Variants in C1QL4 observed in about 807,000 individuals in gnomAD.
C1QL4 encodes complement C1q like 4, also known as complement C1q-like protein 4.
In C1QL4, 5 loss-of-function variants were observed where a neutral mutation model predicts 13.4. The ratio of observed to expected loss-of-function variants is 0.37; its 90% CI spans 0.19 to 0.78. The LOEUF (loss-of-function observed/expected upper bound fraction) is 0.78. Ranked by LOEUF, C1QL4 falls within the 30% of genes least tolerant of loss-of-function variation. The probability of loss-of-function intolerance (pLI) is 0.47; values close to 1 mark genes in which losing one functional copy is unlikely to be tolerated. For synonymous variants in C1QL4, 168 were observed against 153.9 expected, an observed-to-expected ratio of 1.09 and a Z score of -0.68; for missense variants, 367 against 361.6, an observed-to-expected ratio of 1.01 and a Z score of -0.12.
rs745887508 is a variant in C1QL4 at position 49,333,006 on chromosome 12, G to A, written c.*48C>T. The A allele has an allele frequency of 2.6e-6, 4 of 1,536,788 alleles. No individual in the cohort carries two copies. In the East Asian group the frequency reaches 7.0e-5, roughly 27 times the overall value. ...CTCGGGTGGGGCGGGCAGGAGGTGG[G>A]TGAGGACGGGAGAGAAGGGGCGAGC... On this transcript the variant is annotated 3_prime_UTR_variant, in exon 2 of 2. Coordinates refer to ENST00000334221, the MANE Select transcript of C1QL4 (RefSeq NM_001008223.2).
At chr12:49,334,570 G>GT (rs1565674795) in intron 1 of C1QL4, among the ~76,000 whole-genome samples, 1 of 152,090 alleles carries the variant, frequency 6.6e-6, no homozygotes, top group African/African-American at 2.4e-5. Flanking sequence ...ACTATTTACC[G>GT]TCCCCAGGGC....
rs1194820661 is a variant in C1QL4 at position 49,332,968 on chromosome 12, G to C, written c.*86C>G. 3 of 1,377,750 alleles carry C rather than the reference G, an allele frequency of 2.2e-6. No homozygotes were observed. Among genetic ancestry groups the C allele is most frequent in the Non-Finnish European group, 3.0e-6 (3 of 1,016,850 alleles). The allele number at this position is 1,377,750 out of a possible 1,614,324, so 85.3% of individuals were successfully genotyped here. On this transcript the variant is annotated 3_prime_UTR_variant, in exon 2 of 2. Coordinates refer to ENST00000334221, the MANE Select transcript of C1QL4 (RefSeq NM_001008223.2). ...CCACCCCACCGCCAGGCTCTCAAAGGGTGGGGTGGCGCCTCGGGTGGGGCG... is the reference window on the plus strand; with the variant it reads ...CCACCCCACCGCCAGGCTCTCAAAGCGTGGGGTGGCGCCTCGGGTGGGGCG...
chr12:49,334,495 C>T (rs12581307), intron 1 of C1QL4, among the ~76,000 whole-genome samples: 2,391 of 152,330 alleles, frequency 0.016, 33 homozygotes, highest in Middle Eastern at 0.054. Context: ...CTTCAGCCCC[C>T]CTCTTCTAGA....
In C1QL4 at chr12:49,336,022, G is replaced by A; in HGVS notation, c.456C>T (p.Gly152=). 6.2e-7 allele frequency: 1 copy of A among 1,611,560 alleles called. No homozygotes were observed. Among genetic ancestry groups the A allele is most frequent in the South Asian group, 1.1e-5 (1 of 90,856 alleles). The change falls in exon 1 of 2, where the codon GGC becomes GGT. Residue 152 remains glycine, a synonymous_variant. Coordinates refer to ENST00000334221, the MANE Select transcript of C1QL4 (RefSeq NM_001008223.2). This position sits in a 1 kb window ranked among gnomAD's most constrained non-coding sequence, Gnocchi z 7.7. ...ASGKFTCPMP[G]VYFFAYHVLM... is the part of the protein sequence containing the mutation. ...GCACGTGGTAAGCGAAGAAGTAGACGCCTGGCATGGGGCAAGTAAACTTGC... is the reference window on the plus strand; with the variant it reads ...GCACGTGGTAAGCGAAGAAGTAGACACCTGGCATGGGGCAAGTAAACTTGC...
Position 49,336,612 on chromosome 12 carries a change from A to T in C1QL4, c.-135T>A. ...GCTCTCCGCGGGCCAGGAGGCGGTGACCCGCCTTGGGCCTGGGTCTGCACT... is the reference window on the plus strand; with the variant it reads ...GCTCTCCGCGGGCCAGGAGGCGGTGTCCCGCCTTGGGCCTGGGTCTGCACT... On this transcript the variant is annotated 5_prime_UTR_variant, in exon 1 of 2. Transcript: ENST00000334221. This position sits in a 1 kb window ranked among gnomAD's most constrained non-coding sequence, Gnocchi z 7.7. The T allele has an allele frequency of 2.8e-6, 3 of 1,065,502 alleles. No homozygotes were observed. Among genetic ancestry groups the T allele is most frequent in the Non-Finnish European group, 3.8e-6 (3 of 798,912 alleles). The allele number at this position is 1,065,502 out of a possible 1,614,324, so 66.0% of individuals were successfully genotyped here. A position where few individuals can be genotyped will look rare whatever the true frequency, so the allele number is the denominator to read the frequency against.
rs1406476191 is a variant in C1QL4, at chr12:49,332,909, C to T, written c.*145G>A. ...CTTATACCCTTGAGCACCAAGAGTT[C>T]GCCCATTTAGGCCGCCTCCGGGAAC... On this transcript the variant is annotated 3_prime_UTR_variant, in exon 2 of 2. Transcript: ENST00000334221. The T allele has an allele frequency of 1.2e-6, 1 of 821,798 alleles. No homozygotes were observed. The highest frequency in any genetic ancestry group is 1.9e-6 in the Non-Finnish European group (1 of 537,152). 50.9% of individuals were successfully genotyped at this position (821,798 alleles called of 1,614,324 possible). A position where few individuals can be genotyped will look rare whatever the true frequency, so the allele number is the denominator to read the frequency against.
At chr12:49,334,681 C>T (rs1056826551) in intron 1 of C1QL4, among the ~76,000 whole-genome samples, 3 of 152,184 alleles carry the variant, frequency 2.0e-5, no homozygotes, top group Admixed American at 1.3e-4. Context: ...TCCACCTCCT[C>T]CCAGATACCC....
At chr12:49,335,576 G>A (rs1943624870) in intron 1 of C1QL4, among the ~76,000 whole-genome samples, 1 of 152,134 alleles carries the variant, frequency 6.6e-6, no homozygotes, top group African/African-American at 2.4e-5. Context: ...GGGGGCTGCC[G>A]CAGAAGAAAG....
chr12:49,336,109 G>A lies in C1QL4; in HGVS notation c.369C>T (p.Tyr123=), dbSNP rs200523948. ...CCACGTCGTCGAAGCGCAGCACCTC[G>A]TAACCCTCGTGGGGCCGCCGCAGGC... ...YAGLRRPHEG[Y]EVLRFDDVVT... The change falls in exon 1 of 2, where the codon TAC becomes TAT. Residue 123 remains tyrosine (Y), a synonymous_variant. Transcript: ENST00000334221. This position sits in a 1 kb window ranked among gnomAD's most constrained non-coding sequence, Gnocchi z 7.7. 3.7e-6 allele frequency: 6 copies of A among 1,611,888 alleles called. No individual in the cohort carries two copies. The Admixed American group carries it at 5.0e-5, about 13-fold the overall frequency.
intron 1 of C1QL4, 26 bp from the exon 2 acceptor site, chr12:49,333,259 T>G (rs1330092703): frequency 6.2e-7 from 1 of 1,607,424 alleles, no homozygotes; most frequent in African/African-American, 1.3e-5. Flanking sequence ...AACCTGCTCA[T>G]GCTCTGTGTG....
Position 49,336,208 on chromosome 12 carries a change from CG to C in C1QL4, c.269del (p.Pro90ArgfsTer43), listed in dbSNP as rs1429754847. 3.9e-6 allele frequency: 6 copies of C among 1,543,302 alleles called. No individual in the cohort carries two copies. Among genetic ancestry groups the C allele is most frequent in the Admixed American group, 3.9e-5 (2 of 50,888 alleles). On this transcript the variant is annotated frameshift_variant, in exon 1 of 2. Transcript: ENST00000334221. LOFTEE classifies it high-confidence loss of function. This position sits in a 1 kb window ranked among gnomAD's most constrained non-coding sequence, Gnocchi z 7.7. ...CGCCCGGACCTGGACCGGGAGGGCC[CG>C]GGGGGCCTGGCCTGCCGGGTTCTCC... is the stretch of plus-strand genomic sequence containing the variant. ...PPGEPGRPGP[P>X]GPPGPGPGGV...
In C1QL4 at chr12:49,333,202, T is replaced by A; in HGVS notation, c.569A>T (p.Asp190Val). The stretch of plus-strand genomic sequence containing the variant: ...GTTGCTGGCGTAGTCGTAGTTCTGG[T>A]CCGCGTCCTGAGCAATGGCGCTGGC... ...VRASAIAQDA[D>V]QNYDYASNSV... Residue 190 changes from aspartate (D) to valine (V), a missense_variant, in exon 2 of 2, where the codon GAC (aspartate) becomes GTC (valine). Transcript: ENST00000334221. 6.2e-7 allele frequency: 1 copy of A among 1,614,020 alleles called. No individual in the cohort carries two copies.
At chr12:49,335,258 C>T (rs1166666697) in intron 1 of C1QL4, among the ~76,000 whole-genome samples, 1 of 152,222 alleles carries the variant, frequency 6.6e-6, no homozygotes, top group African/African-American at 2.4e-5. Flanking sequence ...TCTTTCCTCC[C>T]CCAAATCCAT....
Position 49,333,050 on chromosome 12 carries a change from C to G in C1QL4, c.*4G>C, listed in dbSNP as rs374251837. 76 of 1,609,318 alleles carry G rather than the reference C, an allele frequency of 4.7e-5. No homozygotes were observed. In the African/African-American group the frequency reaches 9.5e-4, roughly 20 times the overall value. On this transcript the variant is annotated 3_prime_UTR_variant, in exon 2 of 2. Coordinates refer to ENST00000334221, the MANE Select transcript of C1QL4 (RefSeq NM_001008223.2). ...GGCGAGCGGGGGCACGGGGCGGGGC[C>G]GGCTCAGTCGGGGTAGATGATGAAG...
At position 49,336,326 on chromosome 12, in the gene C1QL4, G is replaced by A. The variant is rs749355760; in HGVS notation, c.152C>T (p.Pro51Leu). The part of the protein sequence containing the change: ...GPDGAPASVP[P>L]FPPGAKGEVG... The stretch of plus-strand genomic sequence containing the variant: ...CTCTCCCTTGGCGCCTGGCGGGAAG[G>A]GGGGCACGGAAGCAGGCGCGCCGTC... Residue 51 changes from proline (P) to leucine (L), a missense_variant, in exon 1 of 2, where the codon CCC becomes CTC. Physicochemically the swap from Pro to Leu is moderately conservative, Grantham distance 98. Coordinates refer to ENST00000334221, the MANE Select transcript of C1QL4 (RefSeq NM_001008223.2). This position sits in a 1 kb window ranked among gnomAD's most constrained non-coding sequence, Gnocchi z 7.7. 7.0e-7 allele frequency: 1 copy of A among 1,421,978 alleles called. No homozygotes were observed. The highest frequency in any genetic ancestry group is 9.1e-7 in the Non-Finnish European group (1 of 1,097,470). The allele number at this position is 1,421,978 out of a possible 1,614,324, so 88.1% of individuals were successfully genotyped here. A position where few individuals can be genotyped will look rare whatever the true frequency, so the allele number is the denominator to read the frequency against.
rs1203589103 is a variant in C1QL4, at chr12:49,332,760, A to G, written c.*294T>C. On this transcript the variant is annotated 3_prime_UTR_variant, in exon 2 of 2. Transcript: ENST00000334221. ...AGTCCCGCTATTAAAACTGCTCCCC[A>G]TCTCTGTACAAAAGAGAAAGCCACG... 3.9e-5 allele frequency: 14 copies of G among 358,474 alleles called. No individual in the cohort carries two copies. The highest frequency in any genetic ancestry group is 6.6e-5 in the Non-Finnish European group (13 of 197,722). 22.2% of individuals were successfully genotyped at this position (358,474 alleles called of 1,614,324 possible). A position where few individuals can be genotyped will look rare whatever the true frequency, so the allele number is the denominator to read the frequency against.
rs142480495 is a variant in C1QL4, at chr12:49,336,273, G to T, written c.205C>A (p.Arg69=). The T allele has an allele frequency of 0.013, 19,077 of 1,426,876 alleles. 165 individuals carry two copies. The highest frequency in any genetic ancestry group is 0.016 in the Non-Finnish European group (17,559 of 1,097,212). The allele number at this position is 1,426,876 out of a possible 1,614,324, so 88.4% of individuals were successfully genotyped here. A position where few individuals can be genotyped will look rare whatever the true frequency, so the allele number is the denominator to read the frequency against. The change falls in exon 1 of 2, where the codon CGG becomes AGG. Residue 69 remains arginine, a synonymous_variant. Transcript: ENST00000334221. This position sits in a 1 kb window ranked among gnomAD's most constrained non-coding sequence, Gnocchi z 7.7. ...EVGRRGKAGL[R]GPPGPPGPRG... ...GGACCTGGTGGTCCAGGGGGCCCCC[G>T]CAGGCCTGCTTTCCCGCGCCGGCCC...
At chr12:49,334,387 C>G (rs1943615468) in intron 1 of C1QL4, among the ~76,000 whole-genome samples, 1 of 152,114 alleles carries the variant, frequency 6.6e-6, no homozygotes, top group Admixed American at 6.5e-5. Context: ...CGCGGATTTC[C>G]CGACCAAGCA....
rs938567982 is a variant in C1QL4, at chr12:49,334,904, G to T, written c.537+1037C>A. 2.0e-5 allele frequency among the ~76,000 whole-genome samples: 3 copies of T among 152,162 alleles called. No homozygotes were observed. The East Asian group carries it at 5.8e-4, about 29-fold the overall frequency. ...TCTCGGGGCAGGTAGATGCTGCCGC[G>T]GTACCAGGCTCCTGCAGGCCTGAAG... On this transcript the variant is annotated intron_variant, in intron 1 of 1. Transcript: ENST00000334221.
Sources: allele counts gnomAD v4.1 joint callset (sites outside exome capture counted in the v4.1 genomes callset), GRCh38; gene constraint gnomAD v4.1.1; non-coding constraint Gnocchi (gnomAD v3.1); transcripts MANE v1.5; gene names NCBI Gene and HGNC (gene_info 2026-07-23, HGNC 2026-07-21).